Variants in NOX3 observed in about 807,000 individuals in gnomAD.
NOX3 encodes NADPH oxidase 3.
NOX3 carries 74 observed loss-of-function variants against 76.7 expected under a neutral mutation model. The ratio of observed to expected loss-of-function variants is 0.96; its 90% CI spans 0.80 to 1.17. The LOEUF is 1.17. Ranked by LOEUF, NOX3 falls within the 50% of genes most tolerant of loss-of-function variation. The pLI, the probability that NOX3 is intolerant of heterozygous loss-of-function variation, is 0.00. For missense variants in NOX3, 695 were observed against 703.3 expected, an observed-to-expected ratio of 0.99 and a Z score of 0.13; for synonymous variants, 263 against 261.1, an observed-to-expected ratio of 1.01 and a Z score of -0.07.
chr6:155,410,320 C>T (rs75166244), intron 11 of NOX3, among the ~76,000 whole-genome samples: 37,668 of 148,860 alleles, frequency 0.25, 5,151 homozygotes, highest in African/African-American at 0.38. Context: ...TGTGTGTGTG[C>T]GCACGCATGT....
chr6:155,397,475 T>C (rs947956218), intron 12 of NOX3, among the ~76,000 whole-genome samples: 3 of 152,210 alleles, frequency 2.0e-5, no homozygotes, highest in Admixed American at 6.5e-5. Flanking sequence ...CCTGAGAACA[T>C]AAACCTGGTC....
intron 10 of NOX3, among the ~76,000 whole-genome samples, chr6:155,421,110 T>C (rs767914631): frequency 1.4e-4 from 22 of 152,198 alleles, no homozygotes; most frequent in Non-Finnish European, 2.8e-4. Flanking sequence ...TCCCACCGTC[T>C]TCCTAAAATA....
intron 1 of NOX3, among the ~76,000 whole-genome samples, chr6:155,455,520 A>G (rs1378288826): frequency 6.6e-6 from 1 of 152,238 alleles, no homozygotes; most frequent in South Asian, 2.1e-4. Flanking sequence ...TACATTATGC[A>G]AAAACAAACT....
intron 13 of NOX3, among the ~76,000 whole-genome samples, chr6:155,396,176 GGGATA>G (rs1779135832): frequency 5.3e-5 from 8 of 152,244 alleles, no homozygotes; most frequent in Admixed American, 5.2e-4. Context: ...GACCAGAAAA[GGGATA>G]GGAAAGGGAT....
chr6:155,423,127 C>G (rs1470662152), intron 9 of NOX3, among the ~76,000 whole-genome samples: 2 of 152,204 alleles, frequency 1.3e-5, no homozygotes, highest in East Asian at 1.9e-4. Context: ...CAGGCCTCGT[C>G]CATGTGGCAT....
chr6:155,455,657 A>C (rs571645586), intron 1 of NOX3, 96 bp downstream of exon 1: 44 of 877,532 alleles, frequency 5.0e-5, no homozygotes, highest in Admixed American at 2.8e-4. Flanking sequence ...CTAGAGTAAT[A>C]CTTCAAGCTA....
chr6:155,418,088 G>T (rs1776642838), intron 10 of NOX3, among the ~76,000 whole-genome samples: 1 of 152,198 alleles, frequency 6.6e-6, no homozygotes, highest in African/African-American at 2.4e-5. Context: ...AGTCCTGACT[G>T]CACAGCTGTG....
rs773061285 is a variant in NOX3 at position 155,455,091 on chromosome 6, G to A, written c.87C>T (p.Asp29=). The A allele has an allele frequency of 2.5e-5, 41 of 1,612,982 alleles. No homozygotes were observed. Among genetic ancestry groups the A allele is most frequent in the Non-Finnish European group, 3.5e-5 (41 of 1,179,334 alleles). The change falls in exon 2 of 14, where the codon GAC becomes GAT. Residue 29 remains aspartate (D), a synonymous_variant. Coordinates refer to ENST00000159060, the MANE Select transcript of NOX3 (RefSeq NM_015718.3). ...CCTCCTCTTCATACCAGTAGAACGTGTCAATAAACAGATAAAAATTTATTC... is the reference window on the plus strand; with the variant it reads ...CCTCCTCTTCATACCAGTAGAACGTATCAATAAACAGATAAAAATTTATTC... The part of the protein sequence containing the change: ...WLGINFYLFI[D]TFYWYEEEES...
Position 155,407,129 on chromosome 6 carries a change from C to T in NOX3, c.1580+1G>A, listed in dbSNP as rs922179751. The T allele has an allele frequency of 6.2e-7, 1 of 1,613,916 alleles. No individual in the cohort carries two copies. Among genetic ancestry groups the T allele is most frequent in the Non-Finnish European group, 8.5e-7 (1 of 1,179,890 alleles). On this transcript the variant is annotated splice_donor_variant, in intron 12 of 13. Coordinates refer to ENST00000159060, the MANE Select transcript of NOX3 (RefSeq NM_015718.3). LOFTEE classifies it high-confidence loss of function. ...GGGAGAGGAGCAAGAGCTTGCCTTA[C>T]CTGGGGTGATTGTAGGCAATCTGCT... is the stretch of plus-strand genomic sequence containing the variant.
intron 12 of NOX3, among the ~76,000 whole-genome samples, chr6:155,406,793 G>C (rs554193561): frequency 3.0e-4 from 46 of 152,306 alleles, no homozygotes; most frequent in Admixed American, 7.2e-4. Context: ...ATGCTAGATA[G>C]TGTACAGTTG....
intron 5 of NOX3, among the ~76,000 whole-genome samples, chr6:155,442,428 A>G (rs574770426): frequency 7.2e-5 from 11 of 152,332 alleles, no homozygotes; most frequent in Middle Eastern, 6.8e-3. Context: ...ATAAGGCTGC[A>G]TGGGGAAATG....
chr6:155,404,418 C>T (rs1277553053), intron 12 of NOX3, among the ~76,000 whole-genome samples: 1 of 151,998 alleles, frequency 6.6e-6, no homozygotes, highest in African/African-American at 2.4e-5. Context: ...GAAGGTAGAA[C>T]CAGAACTGGA....
chr6:155,434,027 T>G (rs1327532628), intron 7 of NOX3, among the ~76,000 whole-genome samples: 1 of 152,246 alleles, frequency 6.6e-6, no homozygotes, highest in Non-Finnish European at 1.5e-5. Context: ...TCACTTTCAC[T>G]CCTGGTTTTT....
intron 7 of NOX3, among the ~76,000 whole-genome samples, chr6:155,432,238 G>A (rs1582940446): frequency 1.3e-5 from 2 of 151,930 alleles, no homozygotes; most frequent in South Asian, 4.1e-4. Flanking sequence ...AATTCTTTTA[G>A]AATTAAAAGA....
chr6:155,444,546 A>T (rs1330269700), intron 4 of NOX3, among the ~76,000 whole-genome samples: 1 of 152,202 alleles, frequency 6.6e-6, no homozygotes. Context: ...CTTAATAAGG[A>T]AAGGAAAAAA....
At position 155,429,034 on chromosome 6, in the gene NOX3, G is replaced by A. The variant is rs774406436; in HGVS notation, c.905C>T (p.Pro302Leu). Residue 302 changes from proline to leucine, a missense_variant, in exon 9 of 14, where the codon CCC (proline) becomes CTC (leucine). Coordinates refer to ENST00000159060, the MANE Select transcript of NOX3 (RefSeq NM_015718.3). Reference sequence around the variant, plus strand: ...CATGTGAAGTTCCAGGACTCCAGAGGGGTGGCTTACCACCTATGTGAGAGT... The same window carrying A: ...CATGTGAAGTTCCAGGACTCCAGAGAGGTGGCTTACCACCTATGTGAGAGT... ...EVVITKVVSH[P>L]SGVLELHMKK... The A allele has an allele frequency of 6.3e-6, 10 of 1,598,712 alleles. No individual in the cohort carries two copies. Among genetic ancestry groups the A allele is most frequent in the African/African-American group, 1.3e-5 (1 of 74,540 alleles).
At chr6:155,421,694 G>C (rs112938474) in intron 10 of NOX3, among the ~76,000 whole-genome samples, 1 of 151,890 alleles carries the variant, frequency 6.6e-6, no homozygotes, top group African/African-American at 2.4e-5. Flanking sequence ...CTCTCTATGC[G>C]GCCCGGGCTG....
intron 10 of NOX3, among the ~76,000 whole-genome samples, chr6:155,422,387 C>A (rs955636218): frequency 1.3e-5 from 2 of 152,132 alleles, no homozygotes; most frequent in African/African-American, 4.8e-5. Flanking sequence ...CTTAATATTG[C>A]GAACTGCCAC....
chr6:155,453,859 T>G (rs549816623), intron 3 of NOX3, among the ~76,000 whole-genome samples: 34 of 152,270 alleles, frequency 2.2e-4, no homozygotes, highest in African/African-American at 7.7e-4. Flanking sequence ...CAAATATGCA[T>G]CTATATATAA....
Sources: gnomAD v4.1 joint callset for allele counts (sites outside exome capture counted in the v4.1 genomes callset) on GRCh38, gnomAD v4.1.1 for gene constraint, MANE v1.5 for transcripts, NCBI Gene and HGNC (gene_info 2026-07-23, HGNC 2026-07-21) for gene names.